The following SLC66A2 variants were observed in gnomAD, a reference collection of about 807,000 sequenced individuals.
The protein encoded by SLC66A2 is PQ loop repeat containing 1.
A neutral mutation model predicts 25.5 loss-of-function variants in SLC66A2; 23 were observed. The observed-to-expected ratio is 0.90, with a 90% CI of 0.65 to 1.28. The LOEUF (loss-of-function observed/expected upper bound fraction) is 1.28. SLC66A2 is among the 50% of genes most tolerant of loss of function. The pLI is 0.00. For synonymous variants in SLC66A2, 193 were observed against 166.5 expected (o/e 1.16, Z -1.23); for missense variants, 396 against 373.1 (o/e 1.06, Z -0.51).
At chr18:79,946,827 G>A (rs879772662) in intron 2 of SLC66A2, among the ~76,000 whole-genome samples, 12 of 152,184 alleles carry the variant, frequency 7.9e-5, no homozygotes, top group Non-Finnish European at 8.8e-5. Context: ...TTAGCTGGGC[G>A]TGGCAGTGGG....
intron 4 of SLC66A2, among the ~76,000 whole-genome samples, chr18:79,920,150 T>G (rs867203544): frequency 5.6e-5 from 2 of 35,568 alleles, no homozygotes; most frequent in Non-Finnish European, 5.0e-5. Flanking sequence ...TCAGGGTCAG[T>G]GAGGAGAGAC....
intron 1 of SLC66A2, 130 bp from the exon 2 acceptor site, chr18:79,951,155 G>A (rs924435700): frequency 2.2e-5 from 5 of 231,434 alleles, no homozygotes; most frequent in Non-Finnish European, 4.1e-5. Flanking sequence ...GGGCGCGCGA[G>A]GAGCGGCCCC....
At chr18:79,913,362 G>C (rs917613185) in intron 5 of SLC66A2, among the ~76,000 whole-genome samples, 3 of 152,212 alleles carry the variant, frequency 2.0e-5, no homozygotes, top group Admixed American at 1.3e-4. Flanking sequence ...CCTTGTCAGG[G>C]AACAGTCTTC....
chr18:79,943,620 C>T (rs1026350858), intron 2 of SLC66A2, 158 bp from the exon 3 acceptor site: 1 of 814,636 alleles, frequency 1.2e-6, no homozygotes, highest in South Asian at 1.8e-5. Flanking sequence ...GTCAGGCCCA[C>T]CCACATCGCC....
chr18:79,909,283 A>C (rs1982577948), intron 5 of SLC66A2, among the ~76,000 whole-genome samples: 1 of 152,220 alleles, frequency 6.6e-6, no homozygotes, highest in Non-Finnish European at 1.5e-5. Flanking sequence ...TGAGCAGTCA[A>C]CTGTCCACAA....
chr18:79,947,682 G>T (rs1474349039), intron 2 of SLC66A2, among the ~76,000 whole-genome samples: 1 of 38,232 alleles, frequency 2.6e-5, no homozygotes, highest in Admixed American at 4.1e-4. Context: ...CCCAAACACC[G>T]AGTGTGCCTG....
rs143351319 is a variant in SLC66A2, at chr18:79,947,395, C to T, written c.203+3329G>A. 4.2e-3 allele frequency: 642 copies of T among 152,460 alleles called. 9 individuals carry two copies. Among genetic ancestry groups the T allele is most frequent in the African/African-American group, 0.015 (611 of 41,592 alleles). The allele number at this position is 152,460 out of a possible 1,614,324, so 9.4% of individuals were successfully genotyped here. ...ATGTTTCAGAATCCCTGGGTTTGTA[C>T]TGTTAAAGCAGCCCCTGCAGGACTG... is the stretch of plus-strand genomic sequence containing the variant. On this transcript the variant is annotated intron_variant, in intron 2 of 5. Coordinates refer to ENST00000397778, the MANE Select transcript of SLC66A2 (RefSeq NM_025078.5).
rs573451929 is a variant in SLC66A2, at chr18:79,930,766, C to A, written c.391+3203G>T. On this transcript the variant is annotated intron_variant, in intron 4 of 5. Transcript: ENST00000397778. ...CAGTCTCAGAAAGAAATGAAAGGAACCACAAATGGTAAATAAGGTTAATAT... is the reference window on the plus strand; with the variant it reads ...CAGTCTCAGAAAGAAATGAAAGGAAACACAAATGGTAAATAAGGTTAATAT... Among the ~76,000 whole-genome samples, 8 of 152,092 alleles carry A rather than the reference C, an allele frequency of 5.3e-5. No homozygotes were observed. The South Asian group carries it at 1.2e-3, about 24-fold the overall frequency.
intron 4 of SLC66A2, among the ~76,000 whole-genome samples, chr18:79,923,273 G>A (rs1256517270): frequency 7.0e-6 from 1 of 143,318 alleles, no homozygotes. Context: ...GGGGGGCCAT[G>A]GACAGGCGGG....
rs929909562 is a variant in SLC66A2 at position 79,917,055 on chromosome 18, G to A, written c.608+2129C>T. Among the ~76,000 whole-genome samples, 6 of 152,264 alleles carry A rather than the reference G, an allele frequency of 3.9e-5. No individual in the cohort carries two copies. Among genetic ancestry groups the A allele is most frequent in the Non-Finnish European group, 5.9e-5 (4 of 68,040 alleles). On this transcript the variant is annotated intron_variant, in intron 5 of 5. Coordinates refer to ENST00000397778, the MANE Select transcript of SLC66A2 (RefSeq NM_025078.5). The surrounding 1 kb of genome is among the most constrained non-coding windows in gnomAD (Gnocchi z 6.0). ...GTGTGCTGCTTGTGGTGAAGTGAGT[G>A]AGAACAGGAAAAGCACGTCCAATGT...
rs1319197137 is a variant in SLC66A2 at position 79,940,721 on chromosome 18, G to A, written c.337+2608C>T. 1.3e-5 allele frequency among the ~76,000 whole-genome samples: 2 copies of A among 152,136 alleles called. No homozygotes were observed. The highest frequency in any genetic ancestry group is 2.9e-5 in the Non-Finnish European group (2 of 68,028). On this transcript the variant is annotated intron_variant, in intron 3 of 5. Transcript: ENST00000397778. This position sits in a 1 kb window ranked among gnomAD's most constrained non-coding sequence, Gnocchi z 4.1. The stretch of plus-strand genomic sequence containing the variant: ...ATGAGCCCACACCTTTCATCAAGAC[G>A]CCCTGCAGGAACAGGCCTGGCCCAT...
intron 2 of SLC66A2, among the ~76,000 whole-genome samples, chr18:79,950,432 C>A (rs2051078532): frequency 6.6e-6 from 1 of 152,212 alleles, no homozygotes; most frequent in South Asian, 2.1e-4. Context: ...CAGGCCTAGG[C>A]CAGTGCCCAG....
At chr18:79,923,281 G>A (rs1427524170) in intron 4 of SLC66A2, among the ~76,000 whole-genome samples, 12 of 147,462 alleles carry the variant, frequency 8.1e-5, no homozygotes, top group African/African-American at 2.3e-4. Flanking sequence ...ATGGACAGGC[G>A]GGTGGTGGAC....
At chr18:79,905,414 C>A (rs1480588633) in intron 5 of SLC66A2, among the ~76,000 whole-genome samples, 1 of 151,880 alleles carries the variant, frequency 6.6e-6, no homozygotes, top group Non-Finnish European at 1.5e-5. Flanking sequence ...GGTGCAGGCC[C>A]CTCGGCCTCT....
At chr18:79,929,169 G>C (rs1269335564) in intron 4 of SLC66A2, among the ~76,000 whole-genome samples, 5 of 152,156 alleles carry the variant, frequency 3.3e-5, no homozygotes, top group African/African-American at 9.7e-5. Flanking sequence ...AACCAGAAAG[G>C]ACAACCAAGA....
chr18:79,948,043 T>C (rs2050993076), intron 2 of SLC66A2, among the ~76,000 whole-genome samples: 2 of 152,188 alleles, frequency 1.3e-5, no homozygotes, highest in Admixed American at 6.5e-5. Context: ...CCCACCATCT[T>C]CTGGAACACA....
chr18:79,935,068 T>C (rs537894789), intron 3 of SLC66A2, among the ~76,000 whole-genome samples: 3 of 152,144 alleles, frequency 2.0e-5, no homozygotes, highest in Admixed American at 1.3e-4. Context: ...GTCCTCTCTG[T>C]TGCTTTGATT....
At chr18:79,949,046 C>CCG (rs1462902008) in intron 2 of SLC66A2, among the ~76,000 whole-genome samples, 1 of 152,298 alleles carries the variant, frequency 6.6e-6, no homozygotes, top group South Asian at 2.1e-4. Context: ...CAGCCTGGCC[C>CCG]AGAGACAAAC....
intron 2 of SLC66A2, among the ~76,000 whole-genome samples, chr18:79,950,518 G>A (rs893090211): frequency 5.3e-5 from 8 of 152,178 alleles, no homozygotes; most frequent in Non-Finnish European, 1.2e-4. Context: ...CTGAGATTCT[G>A]TGCTCCAACC....
Sources: allele counts gnomAD v4.1 joint callset (sites outside exome capture counted in the v4.1 genomes callset), GRCh38; gene constraint gnomAD v4.1.1; non-coding constraint Gnocchi (gnomAD v3.1); transcripts MANE v1.5; gene names NCBI Gene and HGNC (gene_info 2026-07-23, HGNC 2026-07-21).